RFTN1: variants seen among roughly 807,000 people sequenced by gnomAD.
RFTN1 encodes raftlin, lipid raft linker 1, also known as raftlin.
A neutral mutation model predicts 46.5 loss-of-function variants in RFTN1; 26 were observed. The observed-to-expected ratio is 0.56, with a 90% confidence interval of 0.41 to 0.78. The LOEUF is 0.78. Among genes scored for constraint, RFTN1 ranks in the 30% least tolerant of loss-of-function variants. The probability of loss-of-function intolerance (pLI) is 0.00; values close to 1 mark genes in which losing one functional copy is unlikely to be tolerated. For missense variants in RFTN1, 693 were observed against 718.7 expected (o/e 0.96, Z 0.41); for synonymous variants, 261 against 284.2 (o/e 0.92, Z 0.82).
In RFTN1 at chr3:16,466,362, CTGT is replaced by C. The variant is rs1426104556; in HGVS notation, c.145+27360_145+27362del. ...TAAAGATGTAATATCTATGAAATCT[CTGT>C]TGTTATTTACCTATGATAGTAAAAA... On this transcript the variant is annotated intron_variant, in intron 2 of 9. Coordinates refer to ENST00000334133, the MANE Select transcript of RFTN1 (RefSeq NM_015150.2). The surrounding 1 kb of genome is among the most constrained non-coding windows in gnomAD (Gnocchi z 5.6). 6.6e-6 allele frequency among the ~76,000 whole-genome samples: 1 copy of C among 152,200 alleles called. No homozygotes were observed. Among genetic ancestry groups the C allele is most frequent in the Non-Finnish European group, 1.5e-5 (1 of 68,034 alleles).
rs568959728 is a variant in RFTN1, at chr3:16,334,997, T to C, written c.1147-8121A>G. On this transcript the variant is annotated intron_variant, in intron 7 of 9. Transcript: ENST00000334133. This position sits in a 1 kb window ranked among gnomAD's most constrained non-coding sequence, Gnocchi z 4.3. ...ATGGGCAGCTTCCAGAAGCTGGCAA[T>C]GGTCGGTAACAGATTGTCTCCTAAA... Among the ~76,000 whole-genome samples, 45 of 152,312 alleles carry C rather than the reference T, an allele frequency of 3.0e-4. 1 individual carries two copies. In the South Asian group the frequency reaches 8.7e-3, roughly 29 times the overall value.
rs1183016070 is a variant in RFTN1 at position 16,380,448 on chromosome 3, C to G, written c.442-2346G>C. On this transcript the variant is annotated intron_variant, in intron 4 of 9. Transcript: ENST00000334133. The surrounding 1 kb of genome is among the most constrained non-coding windows in gnomAD (Gnocchi z 4.8). ...AGGGCATTATCCTAGCCCTCCCCTTCCTCACTGGGACTGGAGGAATTGGAG... is the reference window on the plus strand; with the variant it reads ...AGGGCATTATCCTAGCCCTCCCCTTGCTCACTGGGACTGGAGGAATTGGAG... Among the ~76,000 whole-genome samples, 1 of 152,200 alleles carries G rather than the reference C, an allele frequency of 6.6e-6. No individual in the cohort carries two copies. The highest frequency in any genetic ancestry group is 1.5e-5 in the Non-Finnish European group (1 of 68,032).
intron 7 of RFTN1, chr3:16,349,542 T>C (rs2071952133): frequency 6.6e-6 from 1 of 152,248 alleles, no homozygotes; most frequent in Admixed American, 6.5e-5. Context: ...TATGTGCATG[T>C]GTGCACACGT....
chr3:16,421,934 C>T lies in RFTN1; in HGVS notation c.332+11917G>A, dbSNP rs1254195479. On this transcript the variant is annotated intron_variant, in intron 3 of 9. Coordinates refer to ENST00000334133, the MANE Select transcript of RFTN1 (RefSeq NM_015150.2). This position sits in a 1 kb window ranked among gnomAD's most constrained non-coding sequence, Gnocchi z 4.6. ...GCCCTTCTGCAGGCCCCTCCTGCTC[C>T]ATACAGCACATGTGACCTCTGACAT... Among the ~76,000 whole-genome samples the T allele has an allele frequency of 6.6e-6, 1 of 152,160 alleles. No individual in the cohort carries two copies. The highest frequency in any genetic ancestry group is 1.5e-5 in the Non-Finnish European group (1 of 68,022).
rs891945989 is a variant in RFTN1, at chr3:16,426,195, C to T, written c.332+7656G>A. 1.3e-5 allele frequency among the ~76,000 whole-genome samples: 2 copies of T among 152,158 alleles called. No individual in the cohort carries two copies. The highest frequency in any genetic ancestry group is 1.5e-5 in the Non-Finnish European group (1 of 68,036). On this transcript the variant is annotated intron_variant, in intron 3 of 9. Coordinates refer to ENST00000334133, the MANE Select transcript of RFTN1 (RefSeq NM_015150.2). The surrounding 1 kb of genome is among the most constrained non-coding windows in gnomAD (Gnocchi z 5.9). ...ACGTGTGATTCCAACAATCAGCGCACTCTAGGGCTGATCCTCGGCCTCGCG... is the reference window on the plus strand; with the variant it reads ...ACGTGTGATTCCAACAATCAGCGCATTCTAGGGCTGATCCTCGGCCTCGCG...
In RFTN1 at chr3:16,452,743, TA is replaced by T. The variant is rs1575314511; in HGVS notation, c.146-18707del. Reference sequence around the variant, plus strand: ...AGGAATGGAAGACATCCACTGGATTTAGAGATCACTGGGAGTGGAGAAATGC... The same window carrying T: ...AGGAATGGAAGACATCCACTGGATTTGAGATCACTGGGAGTGGAGAAATGC... On this transcript the variant is annotated intron_variant, in intron 2 of 9. Transcript: ENST00000334133. This position sits in a 1 kb window ranked among gnomAD's most constrained non-coding sequence, Gnocchi z 6.3. 6.6e-6 allele frequency among the ~76,000 whole-genome samples: 1 copy of T among 152,222 alleles called. No homozygotes were observed. The highest frequency in any genetic ancestry group is 2.4e-5 in the African/African-American group (1 of 41,462).
Position 16,489,868 on chromosome 3 carries a change from A to G in RFTN1, c.145+3857T>C, listed in dbSNP as rs1464530370. On this transcript the variant is annotated intron_variant, in intron 2 of 9. Transcript: ENST00000334133. The surrounding 1 kb of genome is among the most constrained non-coding windows in gnomAD (Gnocchi z 4.0). Reference sequence around the variant, plus strand: ...GGTTGCAGTGAGCTGAGATCACAACATTGCACTCCAGCCTAGGTGACAGAG... The same window carrying G: ...GGTTGCAGTGAGCTGAGATCACAACGTTGCACTCCAGCCTAGGTGACAGAG... Among the ~76,000 whole-genome samples the G allele has an allele frequency of 6.6e-6, 1 of 152,150 alleles. No individual in the cohort carries two copies. The highest frequency in any genetic ancestry group is 6.6e-5 in the Admixed American group (1 of 15,266).
intron 2 of RFTN1, among the ~76,000 whole-genome samples, chr3:16,439,864 G>A (rs781215062): frequency 1.4e-4 from 21 of 152,208 alleles, no homozygotes; most frequent in Middle Eastern, 3.4e-3. Flanking sequence ...CCTGCCCAGC[G>A]GTGGGAGAGA....
chr3:16,381,182 A>G lies in RFTN1; in HGVS notation c.442-3080T>C, dbSNP rs2073980159. Among the ~76,000 whole-genome samples, 1 of 152,260 alleles carries G rather than the reference A, an allele frequency of 6.6e-6. No individual in the cohort carries two copies. Among genetic ancestry groups the G allele is most frequent in the Non-Finnish European group, 1.5e-5 (1 of 68,042 alleles). On this transcript the variant is annotated intron_variant, in intron 4 of 9. Transcript: ENST00000334133. This position sits in a 1 kb window ranked among gnomAD's most constrained non-coding sequence, Gnocchi z 4.2. The stretch of plus-strand genomic sequence containing the variant: ...CTTTATTATGACAACTATGTAATAC[A>G]CATACATAAACTATGCATAAAAACA...
At position 16,459,200 on chromosome 3, in the gene RFTN1, G is replaced by C. The variant is rs760612471; in HGVS notation, c.146-25163C>G. Among the ~76,000 whole-genome samples the C allele has an allele frequency of 6.6e-6, 1 of 152,148 alleles. No individual in the cohort carries two copies. The highest frequency in any genetic ancestry group is 1.5e-5 in the Non-Finnish European group (1 of 68,028). ...CTCGCCTTAGCCTCCCAAAGTGCTGGAATTACAGGTATGAGCCACTGTGCC... is the reference window on the plus strand; with the variant it reads ...CTCGCCTTAGCCTCCCAAAGTGCTGCAATTACAGGTATGAGCCACTGTGCC... On this transcript the variant is annotated intron_variant, in intron 2 of 9. Transcript: ENST00000334133. The surrounding 1 kb of genome is among the most constrained non-coding windows in gnomAD (Gnocchi z 4.2).
chr3:16,417,458 T>G (rs529540449), intron 3 of RFTN1, among the ~76,000 whole-genome samples: 34 of 152,322 alleles, frequency 2.2e-4, no homozygotes, highest in African/African-American at 7.7e-4. Flanking sequence ...CACTGAGCAC[T>G]TGTACACAAA....
rs568758095 is a variant in RFTN1, at chr3:16,506,974, C to T, written c.-9+6468G>A. On this transcript the variant is annotated intron_variant, in intron 1 of 9. Transcript: ENST00000334133. This position sits in a 1 kb window ranked among gnomAD's most constrained non-coding sequence, Gnocchi z 4.8. ...CAAATTCACTTTCTTAACAGTACAG[C>T]ACAGGGGTTGGTCATACAGGCTCTG... 7.7e-4 allele frequency among the ~76,000 whole-genome samples: 118 copies of T among 152,280 alleles called. 1 individual carries two copies. The South Asian group carries it at 9.1e-3, about 12-fold the overall frequency.
At position 16,480,998 on chromosome 3, in the gene RFTN1, GACACACACAC is replaced by G. The variant is rs34945684; in HGVS notation, c.145+12717_145+12726del. Among the ~76,000 whole-genome samples the G allele has an allele frequency of 6.9e-5, 10 of 145,882 alleles. No homozygotes were observed. The highest frequency in any genetic ancestry group is 1.0e-4 in the African/African-American group (4 of 39,312). ...ATATGCACATGCACACACACACACA[GACACACACAC>G]ACACACACACACACACACACACCTG... On this transcript the variant is annotated intron_variant, in intron 2 of 9. Coordinates refer to ENST00000334133, the MANE Select transcript of RFTN1 (RefSeq NM_015150.2). This position sits in a 1 kb window ranked among gnomAD's most constrained non-coding sequence, Gnocchi z 4.3.
Position 16,434,005 on chromosome 3 carries a change from C to A in RFTN1, c.178G>T (p.Ala60Ser). The A allele has an allele frequency of 6.2e-7, 1 of 1,610,760 alleles. No homozygotes were observed. ...ELPGSSAVRL[A>S]SLRDLPAQLL... ...TGGGCGGGCAGGTCACGCAGGGAGG[C>A]CAGCCTCACTGCTGAGGACCCAGGG... is the stretch of plus-strand genomic sequence containing the variant. The change falls in exon 3 of 10, where the codon GCC becomes TCC. Residue 60 changes from alanine to serine, a missense_variant. Transcript: ENST00000334133.
intron 5 of RFTN1, among the ~76,000 whole-genome samples, chr3:16,373,889 A>G (rs690177): frequency 0.43 from 64,638 of 151,992 alleles, 14,096 homozygotes; most frequent in Non-Finnish European, 0.46. Flanking sequence ...GCAGGAGGGT[A>G]GAAGGGCCCC....
intron 5 of RFTN1, among the ~76,000 whole-genome samples, chr3:16,373,574 CAG>C (rs1387960525): frequency 6.6e-6 from 1 of 152,200 alleles, no homozygotes; most frequent in East Asian, 1.9e-4. Context: ...GGTGGGGCCC[CAG>C]AGAGCCCAGG....
intron 3 of RFTN1, among the ~76,000 whole-genome samples, chr3:16,423,927 AAAT>A (rs1388861551): frequency 6.6e-6 from 1 of 152,234 alleles, no homozygotes; most frequent in Non-Finnish European, 1.5e-5. Context: ...AGCAGAGAGA[AAAT>A]AACACACTGA....
rs916305532 is a variant in RFTN1, at chr3:16,489,201, T to G, written c.145+4524A>C. ...GGGAAGCTGAGGCAGGCAGATCACC[T>G]GAGATCAGGAGTTCGAGACCAGCCT... On this transcript the variant is annotated intron_variant, in intron 2 of 9. Transcript: ENST00000334133. This position sits in a 1 kb window ranked among gnomAD's most constrained non-coding sequence, Gnocchi z 4.0. Among the ~76,000 whole-genome samples the G allele has an allele frequency of 3.3e-5, 5 of 152,116 alleles. No individual in the cohort carries two copies. Among genetic ancestry groups the G allele is most frequent in the African/African-American group, 1.2e-4 (5 of 41,410 alleles).
rs753887724 is a variant in RFTN1 at position 16,465,091 on chromosome 3, G to C, written c.145+28634C>G. Among the ~76,000 whole-genome samples the C allele has an allele frequency of 6.6e-6, 1 of 152,158 alleles. No individual in the cohort carries two copies. The highest frequency in any genetic ancestry group is 2.4e-5 in the African/African-American group (1 of 41,426). On this transcript the variant is annotated intron_variant, in intron 2 of 9. Transcript: ENST00000334133. This position sits in a 1 kb window ranked among gnomAD's most constrained non-coding sequence, Gnocchi z 5.1. ...AGCAGACAGTCCCAGTAAGGAAAAG[G>C]GAGGTGTCTCAGCGAACACAATTAA...
Sources: gnomAD v4.1 joint callset for allele counts (sites outside exome capture counted in the v4.1 genomes callset) on GRCh38, gnomAD v4.1.1 for gene constraint, Gnocchi (gnomAD v3.1) non-coding constraint, MANE v1.5 for transcripts, NCBI Gene and HGNC (gene_info 2026-07-23, HGNC 2026-07-21) for gene names.